RBFOX1: variants seen among roughly 807,000 people sequenced by gnomAD.
The protein encoded by RBFOX1 is RNA binding fox-1 homolog 1.
A neutral mutation model predicts 57.7 loss-of-function variants in RBFOX1; 8 were observed. The observed-to-expected ratio is 0.14, with a 90% confidence interval of 0.08 to 0.25. RBFOX1 has a LOEUF of 0.25. RBFOX1 is among the 10% of genes least tolerant of loss of function. The pLI is 1.00. For missense variants in RBFOX1, 611 were observed against 548.5 expected (o/e 1.11, Z -1.14); for synonymous variants, 326 against 222.4 (o/e 1.47, Z -4.15).
At chr16:5,874,700 T>C (rs1247181557) in intron 4 of RBFOX1, among the ~76,000 whole-genome samples, 2 of 152,040 alleles carry the variant, frequency 1.3e-5, no homozygotes, top group Non-Finnish European at 1.5e-5. Context: ...ATCCAAGCAC[T>C]TGGGGAGGCA....
chr16:5,453,075 A>G (rs2068477177), intron 1 of RBFOX1, among the ~76,000 whole-genome samples: 1 of 152,126 alleles, frequency 6.6e-6, no homozygotes. Flanking sequence ...ACTTTCTAGC[A>G]ATTCCCTCCT....
chr16:5,523,798 G>C (rs572242781), intron 2 of RBFOX1, among the ~76,000 whole-genome samples: 1 of 152,274 alleles, frequency 6.6e-6, no homozygotes, highest in Non-Finnish European at 1.5e-5. Context: ...CTCCAAGGTG[G>C]GGAGAGGATT....
chr16:6,630,079 G>A (rs1005717301), intron 2 of RBFOX1, among the ~76,000 whole-genome samples: 1 of 151,784 alleles, frequency 6.6e-6, no homozygotes, highest in Non-Finnish European at 1.5e-5. Flanking sequence ...CAGGAAGAGG[G>A]TTTTCAAATC....
At chr16:7,218,373 G>C (rs937380367) in intron 4 of RBFOX1, among the ~76,000 whole-genome samples, 4 of 152,096 alleles carry the variant, frequency 2.6e-5, no homozygotes, top group African/African-American at 9.7e-5. Flanking sequence ...TGCTTCCTAT[G>C]AGACAGAGTT....
At chr16:6,915,756 T>A (rs1474195532) in intron 3 of RBFOX1, among the ~76,000 whole-genome samples, 6 of 152,120 alleles carry the variant, frequency 3.9e-5, no homozygotes, top group African/African-American at 1.4e-4. Context: ...TTTGCCATGT[T>A]GCCCATGCTG....
intron 4 of RBFOX1, among the ~76,000 whole-genome samples, chr16:7,249,332 A>G (rs976651350): frequency 6.6e-6 from 1 of 152,086 alleles, no homozygotes; most frequent in African/African-American, 2.4e-5. Flanking sequence ...AATAAATAAG[A>G]TAGGAGGAGC....
chr16:7,107,222 G>A (rs2063776637), intron 4 of RBFOX1, among the ~76,000 whole-genome samples: 1 of 152,114 alleles, frequency 6.6e-6, no homozygotes, highest in African/African-American at 2.4e-5. Context: ...AGTGGCTGGT[G>A]GGTATTAAAC....
intron 4 of RBFOX1, among the ~76,000 whole-genome samples, chr16:7,361,996 T>A (rs951401121): frequency 6.6e-6 from 1 of 151,616 alleles, no homozygotes; most frequent in African/African-American, 2.4e-5. Flanking sequence ...TGTGTGTTAG[T>A]GTGTGTATGA....
intron 4 of RBFOX1, among the ~76,000 whole-genome samples, chr16:7,287,592 A>G (rs1043782509): frequency 6.6e-6 from 1 of 152,124 alleles, no homozygotes; most frequent in African/African-American, 2.4e-5. Flanking sequence ...AGAAGATAAA[A>G]CCTTTTATTT....
chr16:5,569,092 C>T (rs1335289360), intron 2 of RBFOX1, among the ~76,000 whole-genome samples: 17 of 152,042 alleles, frequency 1.1e-4, no homozygotes, highest in South Asian at 4.2e-4. Context: ...CCTCATGATC[C>T]GCCCGCCTTG....
chr16:6,189,382 C>T (rs2097127882), intron 1 of RBFOX1, among the ~76,000 whole-genome samples: 1 of 152,196 alleles, frequency 6.6e-6, no homozygotes, highest in Admixed American at 6.5e-5. Context: ...TCTCTTTTTG[C>T]CAACTCATCA....
intron 4 of RBFOX1, among the ~76,000 whole-genome samples, chr16:7,209,590 CA>C (rs570479242): frequency 2.1e-3 from 317 of 152,272 alleles, no homozygotes; most frequent in African/African-American, 7.0e-3. Flanking sequence ...ACCTTCTCAT[CA>C]AAAATGGCTC....
At chr16:7,495,857 A>C (rs889380372) in intron 4 of RBFOX1, among the ~76,000 whole-genome samples, 1 of 152,026 alleles carries the variant, frequency 6.6e-6, no homozygotes, top group East Asian at 1.9e-4. Flanking sequence ...CAATTGAAAT[A>C]AAAAATAAAT....
chr16:7,504,725 AT>A (rs2072262884), intron 4 of RBFOX1, among the ~76,000 whole-genome samples: 2 of 6,146 alleles, frequency 3.3e-4, no homozygotes, highest in African/African-American at 7.7e-4. Flanking sequence ...ATATATATAT[AT>A]ATATATATAT....
chr16:7,399,569 G>C (rs907891141), intron 4 of RBFOX1, among the ~76,000 whole-genome samples: 1 of 152,198 alleles, frequency 6.6e-6, no homozygotes, highest in Non-Finnish European at 1.5e-5. Flanking sequence ...TTTAGCCTCT[G>C]GTGGTGTCTG....
upstream of RBFOX1, among the ~76,000 whole-genome samples, chr16:6,015,628 T>C (rs886474680): frequency 6.6e-6 from 1 of 152,212 alleles, no homozygotes; most frequent in Non-Finnish European, 1.5e-5. Context: ...GATTTGCTGT[T>C]CCTAGAAGGA....
intron 4 of RBFOX1, among the ~76,000 whole-genome samples, chr16:5,893,300 C>T (rs2058088095): frequency 1.3e-5 from 2 of 152,136 alleles, no homozygotes; most frequent in African/African-American, 2.4e-5. Flanking sequence ...GTTAAGATCA[C>T]ATGGTGAATG....
intron 1 of RBFOX1, among the ~76,000 whole-genome samples, chr16:6,230,945 C>T (rs1331616760): frequency 6.6e-6 from 1 of 152,094 alleles, no homozygotes; most frequent in Non-Finnish European, 1.5e-5. Context: ...GTAGATGTAG[C>T]CCTCTGACTT....
chr16:7,603,911 C>A (rs1415301876), intron 9 of RBFOX1, among the ~76,000 whole-genome samples: 1 of 151,834 alleles, frequency 6.6e-6, no homozygotes, highest in Non-Finnish European at 1.5e-5. Context: ...TCACCATGAC[C>A]AGAATGGACA....
Sources: allele counts gnomAD v4.1 joint callset (sites outside exome capture counted in the v4.1 genomes callset), GRCh38; gene constraint gnomAD v4.1.1; transcripts MANE v1.5; gene names NCBI Gene and HGNC (gene_info 2026-07-23, HGNC 2026-07-21).